PARD3B: variants seen among roughly 807,000 people sequenced by gnomAD.
PARD3B encodes the protein par-3 family cell polarity regulator beta, also known as partitioning defective 3 homolog B.
In PARD3B, 103 loss-of-function variants were observed where a neutral mutation model predicts 130.2. The observed-to-expected ratio is 0.79, with a 90% confidence interval of 0.67 to 0.93. The LOEUF (loss-of-function observed/expected upper bound fraction) is 0.93. Ranked by LOEUF, PARD3B falls within the 40% of genes least tolerant of loss-of-function variation. The pLI is 0.00. For synonymous variants in PARD3B, 583 were observed against 553.2 expected (o/e 1.05, Z -0.76); for missense variants, 1,609 against 1,499.2 (o/e 1.07, Z -1.21).
In PARD3B at chr2:205,183,312, C is replaced by T. The variant is rs1406013949; in HGVS notation, c.1925-2452C>T. Among the ~76,000 whole-genome samples, 1 of 152,140 alleles carries T rather than the reference C, an allele frequency of 6.6e-6. No individual in the cohort carries two copies. Among genetic ancestry groups the T allele is most frequent in the Admixed American group, 6.6e-5 (1 of 15,262 alleles). ...GTGCAGCTGAAGTGATTTTGAGCAA[C>T]AAGTTACATGATCACAAATACGTTC... On this transcript the variant is annotated intron_variant, in intron 13 of 22. Coordinates refer to ENST00000406610, the MANE Select transcript of PARD3B (RefSeq NM_001302769.2). The surrounding 1 kb of genome is among the most constrained non-coding windows in gnomAD (Gnocchi z 5.2).
chr2:204,789,751 G>A (rs2042134890), intron 2 of PARD3B, among the ~76,000 whole-genome samples: 1 of 151,934 alleles, frequency 6.6e-6, no homozygotes, highest in Admixed American at 6.6e-5. Flanking sequence ...ATTAGTTTTA[G>A]TGCTCCATAT....
Position 204,583,205 on chromosome 2 carries a change from G to A in PARD3B, c.120+37086G>A, listed in dbSNP as rs1362299610. On this transcript the variant is annotated intron_variant, in intron 1 of 22. Transcript: ENST00000406610. Reference sequence around the variant, plus strand: ...GTTTATTGCGGCATTATTCACAATAGCAAAGACTTGGAACCAACCCAAATG... The same window carrying A: ...GTTTATTGCGGCATTATTCACAATAACAAAGACTTGGAACCAACCCAAATG... 2.5e-5 allele frequency among the ~76,000 whole-genome samples: 3 copies of A among 118,912 alleles called. No homozygotes were observed. The East Asian group carries it at 6.9e-4, about 27-fold the overall frequency. 78.0% of individuals were successfully genotyped at this position (118,912 alleles called of 152,430 possible). A position where few individuals can be genotyped will look rare whatever the true frequency, so the allele number is the denominator to read the frequency against.
At chr2:204,684,772 A>G (rs2125240652) in intron 1 of PARD3B, among the ~76,000 whole-genome samples, 1 of 152,346 alleles carries the variant, frequency 6.6e-6, no homozygotes, top group African/African-American at 2.4e-5. Context: ...AGAGTCAGGC[A>G]TTTAAAGTTT....
rs749502361 is a variant in PARD3B at position 205,564,808 on chromosome 2, G to C, written c.3260+11405G>C. On this transcript the variant is annotated intron_variant, in intron 22 of 22. Transcript: ENST00000406610. This position sits in a 1 kb window ranked among gnomAD's most constrained non-coding sequence, Gnocchi z 4.6. ...TTATTTCCAGCAAAGGCAAACATTT[G>C]TGGTACAAATGTGAGAGGGGTTGGT... 6.6e-6 allele frequency among the ~76,000 whole-genome samples: 1 copy of C among 152,152 alleles called. No individual in the cohort carries two copies. Among genetic ancestry groups the C allele is most frequent in the Non-Finnish European group, 1.5e-5 (1 of 68,028 alleles).
At chr2:205,145,837 A>AAAAAC (rs1553624296) in intron 10 of PARD3B, among the ~76,000 whole-genome samples, 1 of 151,844 alleles carries the variant, frequency 6.6e-6, no homozygotes, top group African/African-American at 2.4e-5. Flanking sequence ...AAAAAAAAAA[A>AAAAAC]AAACACCTTT....
Position 205,558,524 on chromosome 2 carries a change from C to T in PARD3B, c.3260+5121C>T, listed in dbSNP as rs561166307. Among the ~76,000 whole-genome samples, 1 of 152,320 alleles carries T rather than the reference C, an allele frequency of 6.6e-6. No homozygotes were observed. The highest frequency in any genetic ancestry group is 6.5e-5 in the Admixed American group (1 of 15,298). On this transcript the variant is annotated intron_variant, in intron 22 of 22. Coordinates refer to ENST00000406610, the MANE Select transcript of PARD3B (RefSeq NM_001302769.2). This position sits in a 1 kb window ranked among gnomAD's most constrained non-coding sequence, Gnocchi z 4.8. ...CCTTGGCTCAACCCTCCTTTTCCCA[C>T]ATTTCCTAAGAAAAAGTGGGCTATA... is the stretch of plus-strand genomic sequence containing the variant.
intron 3 of PARD3B, among the ~76,000 whole-genome samples, chr2:205,018,061 G>C (rs1696287558): frequency 1.3e-5 from 2 of 152,162 alleles, no homozygotes; most frequent in Non-Finnish European, 2.9e-5. Context: ...AACACTGTGA[G>C]TATAAAAGTG....
intron 20 of PARD3B, among the ~76,000 whole-genome samples, chr2:205,483,826 G>T (rs80032544): frequency 1.6e-4 from 25 of 152,140 alleles, no homozygotes; most frequent in South Asian, 8.3e-4. Flanking sequence ...GAATTGGAAG[G>T]GGGGAAGCTT....
At position 205,222,057 on chromosome 2, in the gene PARD3B, C is replaced by CAAGTA. The variant is rs1365843857; in HGVS notation, c.2141-23720_2141-23716dup. On this transcript the variant is annotated intron_variant, in intron 15 of 22. Transcript: ENST00000406610. ...ATCTGTTCAACAGACCTCTATTACA[C>CAAGTA]AAGTATACCTAGGTAACAAACCTCT... 5.9e-5 allele frequency among the ~76,000 whole-genome samples: 9 copies of CAAGTA among 151,382 alleles called. No homozygotes were observed. In the East Asian group the frequency reaches 1.8e-3, roughly 29 times the overall value.
At chr2:205,005,906 A>C (rs1246950330) in intron 3 of PARD3B, among the ~76,000 whole-genome samples, 1 of 152,168 alleles carries the variant, frequency 6.6e-6, no homozygotes, top group African/African-American at 2.4e-5. Context: ...TAGCACAACC[A>C]TCACTTGAGC....
chr2:205,440,302 G>GA lies in PARD3B; in HGVS notation c.2742-67dup. ...CGAGGAAGAGTTAACATAAATTCAA[G>GA]AGAGTATTTCATTGTATTATTATAT... On this transcript the variant is annotated intron_variant, in intron 19 of 22. Transcript: ENST00000406610. This position sits in a 1 kb window ranked among gnomAD's most constrained non-coding sequence, Gnocchi z 4.2. The GA allele has an allele frequency of 1.4e-6, 2 of 1,451,642 alleles. No homozygotes were observed. Among genetic ancestry groups the GA allele is most frequent in the Non-Finnish European group, 1.9e-6 (2 of 1,052,232 alleles). The allele number at this position is 1,451,642 out of a possible 1,614,324, so 89.9% of individuals were successfully genotyped here.
At chr2:205,527,452 G>A (rs2051388467) in intron 21 of PARD3B, among the ~76,000 whole-genome samples, 1 of 152,142 alleles carries the variant, frequency 6.6e-6, no homozygotes, top group Admixed American at 6.5e-5. Context: ...GTGGACTATG[G>A]TTCGAGGTTG....
chr2:205,025,483 A>C (rs886822090), intron 3 of PARD3B, among the ~76,000 whole-genome samples: 1 of 152,166 alleles, frequency 6.6e-6, no homozygotes, highest in Admixed American at 6.5e-5. Context: ...AGTGAGTCCC[A>C]ATTAGACAAA....
chr2:205,251,946 C>T (rs1213313474), intron 16 of PARD3B, among the ~76,000 whole-genome samples: 2 of 152,080 alleles, frequency 1.3e-5, no homozygotes, highest in East Asian at 3.9e-4. Context: ...ATGCTGCAGC[C>T]TTGGTTTATA....
intron 2 of PARD3B, 51 bp downstream of exon 2, chr2:204,686,333 GT>G: frequency 1.6e-6 from 2 of 1,282,640 alleles, no homozygotes; most frequent in Non-Finnish European, 1.1e-6. Context: ...AGAGCTGCAT[GT>G]TTTCAAGAGA....
intron 2 of PARD3B, among the ~76,000 whole-genome samples, chr2:204,918,411 A>C (rs1036999083): frequency 2.6e-5 from 4 of 152,102 alleles, no homozygotes; most frequent in Non-Finnish European, 5.9e-5. Flanking sequence ...CGGGCGGATC[A>C]CGAGGTCAGG....
chr2:205,378,099 T>C (rs1362154603), intron 18 of PARD3B, among the ~76,000 whole-genome samples: 1 of 152,120 alleles, frequency 6.6e-6, no homozygotes, highest in Non-Finnish European at 1.5e-5. Context: ...GGTTAAAATA[T>C]GTCCTTTTCT....
At position 204,623,711 on chromosome 2, in the gene PARD3B, A is replaced by G. The variant is rs972947654; in HGVS notation, c.121-62470A>G. On this transcript the variant is annotated intron_variant, in intron 1 of 22. Transcript: ENST00000406610. This position sits in a 1 kb window ranked among gnomAD's most constrained non-coding sequence, Gnocchi z 4.5. ...TGAACACATTTTAAGTATATAATAC[A>G]GCAGTATTAACTATTGGCATAATGC... Among the ~76,000 whole-genome samples, 2 of 152,178 alleles carry G rather than the reference A, an allele frequency of 1.3e-5. No individual in the cohort carries two copies. Among genetic ancestry groups the G allele is most frequent in the African/African-American group, 4.8e-5 (2 of 41,450 alleles).
rs1416792163 is a variant in PARD3B, at chr2:205,183,071, C to T, written c.1925-2693C>T. Among the ~76,000 whole-genome samples, 1 of 152,076 alleles carries T rather than the reference C, an allele frequency of 6.6e-6. No homozygotes were observed. Among genetic ancestry groups the T allele is most frequent in the African/African-American group, 2.4e-5 (1 of 41,392 alleles). On this transcript the variant is annotated intron_variant, in intron 13 of 22. Transcript: ENST00000406610. This position sits in a 1 kb window ranked among gnomAD's most constrained non-coding sequence, Gnocchi z 5.2. The stretch of plus-strand genomic sequence containing the variant: ...GGCCACTGTTATAAAAGTGACAGAT[C>T]CTTGGCAACAGCGAAGGCTTCATAG...
Sources: allele counts gnomAD v4.1 joint callset (sites outside exome capture counted in the v4.1 genomes callset), GRCh38; gene constraint gnomAD v4.1.1; non-coding constraint Gnocchi (gnomAD v3.1); transcripts MANE v1.5; gene names NCBI Gene and HGNC (gene_info 2026-07-23, HGNC 2026-07-21).